The following SNX14 variants were observed in gnomAD, a reference collection of about 807,000 sequenced individuals.
SNX14 encodes sorting nexin-14.
In SNX14, 93 loss-of-function variants were observed where a neutral mutation model predicts 133.8. The ratio of observed to expected loss-of-function variants is 0.70; its 90% confidence interval spans 0.59 to 0.83. The LOEUF is 0.83. SNX14 is among the 40% of genes least tolerant of loss of function. The pLI, the probability that SNX14 is intolerant of heterozygous loss-of-function variation, is 0.00. For missense variants in SNX14, 945 were observed against 1,094.9 expected (o/e 0.86, Z 1.93); for synonymous variants, 368 against 365.6 (o/e 1.01, Z -0.07).
chr6:85,586,343 C>G (rs1242304042), intron 1 of SNX14, among the ~76,000 whole-genome samples: 2 of 152,078 alleles, frequency 1.3e-5, no homozygotes, highest in Non-Finnish European at 2.9e-5. Context: ...TATTTACTAC[C>G]TAACACTTTA....
chr6:85,573,339 G>A (rs1004327783), intron 2 of SNX14, among the ~76,000 whole-genome samples: 5 of 152,140 alleles, frequency 3.3e-5, no homozygotes, highest in Non-Finnish European at 7.4e-5. Flanking sequence ...AATTAGCTGG[G>A]CCTGGTGGCG....
chr6:85,563,530 T>C (rs1277559066), intron 6 of SNX14, among the ~76,000 whole-genome samples: 1 of 152,106 alleles, frequency 6.6e-6, no homozygotes, highest in Non-Finnish European at 1.5e-5. Context: ...TAGCTGGTAT[T>C]ACAGATGCCC....
At chr6:85,529,395 G>A (rs924098867) in intron 19 of SNX14, among the ~76,000 whole-genome samples, 7 of 151,682 alleles carry the variant, frequency 4.6e-5, no homozygotes, top group African/African-American at 1.7e-4. Flanking sequence ...AAGGAAACAA[G>A]GGAAGGAAGG....
chr6:85,541,057 G>A (rs949391188), intron 15 of SNX14, among the ~76,000 whole-genome samples: 6 of 149,540 alleles, frequency 4.0e-5, no homozygotes, highest in African/African-American at 7.4e-5. Flanking sequence ...GCAGTAGCAC[G>A]ATCTTGGCTC....
At chr6:85,543,502 T>A (rs2128074319) in intron 13 of SNX14, 103 bp downstream of exon 13, 3 of 1,084,806 alleles carry the variant, frequency 2.8e-6, no homozygotes, top group Non-Finnish European at 3.9e-6. Flanking sequence ...AATAGAATAA[T>A]AGCTGCCCAT....
At chr6:85,561,369 A>G (rs1005017045) in intron 6 of SNX14, 4 of 152,036 alleles carry the variant, frequency 2.6e-5, no homozygotes, top group Non-Finnish European at 4.4e-5. Context: ...AAGAAAAGGG[A>G]AAAGGTTAAC....
intron 1 of SNX14, among the ~76,000 whole-genome samples, chr6:85,584,926 T>A (rs1239351050): frequency 6.6e-6 from 1 of 152,158 alleles, no homozygotes; most frequent in Non-Finnish European, 1.5e-5. Flanking sequence ...TATAAATCAT[T>A]CTGCTATAAA....
At chr6:85,542,337 C>T (rs947160708) in intron 14 of SNX14, among the ~76,000 whole-genome samples, 1 of 152,182 alleles carries the variant, frequency 6.6e-6, no homozygotes, top group African/African-American at 2.4e-5. Context: ...TCTACTTACA[C>T]AAATATAAAC....
intron 1 of SNX14, among the ~76,000 whole-genome samples, chr6:85,577,478 T>C (rs970942006): frequency 2.0e-5 from 3 of 152,112 alleles, no homozygotes; most frequent in African/African-American, 7.2e-5. Flanking sequence ...TCTTTGGGCA[T>C]GTTAAGTTTC....
chr6:85,520,549 G>A (rs969508234), intron 21 of SNX14, among the ~76,000 whole-genome samples: 3 of 151,520 alleles, frequency 2.0e-5, no homozygotes, highest in Non-Finnish European at 4.4e-5. Flanking sequence ...GTAGAGACAG[G>A]GTTTCACCAT....
At chr6:85,591,160 C>T (rs1343705247) in intron 1 of SNX14, among the ~76,000 whole-genome samples, 1 of 151,944 alleles carries the variant, frequency 6.6e-6, no homozygotes, top group Non-Finnish European at 1.5e-5. Context: ...CCTAGTATAC[C>T]CCATCTCAGA....
intron 21 of SNX14, among the ~76,000 whole-genome samples, chr6:85,519,296 C>T (rs1343633423): frequency 6.6e-6 from 1 of 152,200 alleles, no homozygotes; most frequent in African/African-American, 2.4e-5. Context: ...ATTTAACTCA[C>T]TGATTTAGTT....
chr6:85,561,427 T>C (rs899876326), intron 6 of SNX14: 1 of 152,126 alleles, frequency 6.6e-6, no homozygotes, highest in Non-Finnish European at 1.5e-5. Flanking sequence ...AACCGTAATA[T>C]GGCAATCAAA....
chr6:85,579,594 T>C (rs768003665), intron 1 of SNX14, among the ~76,000 whole-genome samples: 2 of 152,110 alleles, frequency 1.3e-5, no homozygotes, highest in Non-Finnish European at 2.9e-5. Flanking sequence ...AGCACACGGC[T>C]TGAGAGAGGG....
chr6:85,552,738 T>G (rs778522211), intron 7 of SNX14, among the ~76,000 whole-genome samples: 1 of 152,214 alleles, frequency 6.6e-6, no homozygotes, highest in Non-Finnish European at 1.5e-5. Flanking sequence ...CACTGTCACG[T>G]AGACCTCAAG....
chr6:85,549,991 A>G, intron 7 of SNX14, 112 bp from the exon 8 acceptor site: 8 of 901,680 alleles, frequency 8.9e-6, no homozygotes, highest in Non-Finnish European at 1.3e-5. Context: ...TCATGCCTGT[A>G]ATCCCAGCAT....
At chr6:85,578,549 A>G (rs2128216514) in intron 1 of SNX14, among the ~76,000 whole-genome samples, 1 of 152,324 alleles carries the variant, frequency 6.6e-6, no homozygotes, top group African/African-American at 2.4e-5. Flanking sequence ...TGAACCTAAA[A>G]AAAGCAAACA....
At chr6:85,583,304 C>A (rs1799624117) in intron 1 of SNX14, among the ~76,000 whole-genome samples, 2 of 152,166 alleles carry the variant, frequency 1.3e-5, no homozygotes, top group Admixed American at 6.5e-5. Flanking sequence ...CATTATCATA[C>A]TGAATGGGCA....
In SNX14 at chr6:85,529,052, G is replaced by GA. The variant is rs764123650; in HGVS notation, c.1895-691dup. Reference sequence around the variant, plus strand: ...GGGTGACAGAGTGAGACTCACCTCAGAAAAAAAAAAAAAAGGCCACCAACA... The same window carrying GA: ...GGGTGACAGAGTGAGACTCACCTCAGAAAAAAAAAAAAAAAGGCCACCAACA... On this transcript the variant is annotated intron_variant, in intron 19 of 28. Coordinates refer to ENST00000314673, the MANE Select transcript of SNX14 (RefSeq NM_153816.6). Among the ~76,000 whole-genome samples, 289 of 104,076 alleles carry GA rather than the reference G, an allele frequency of 2.8e-3. 1 individual carries two copies. Among genetic ancestry groups the GA allele is most frequent in the Middle Eastern group, 9.7e-3 (2 of 206 alleles). The allele number at this position is 104,076 out of a possible 152,430, so 68.3% of individuals were successfully genotyped here. A position where few individuals can be genotyped will look rare whatever the true frequency, so the allele number is the denominator to read the frequency against.
Sources: allele counts gnomAD v4.1 joint callset (sites outside exome capture counted in the v4.1 genomes callset), GRCh38; gene constraint gnomAD v4.1.1; transcripts MANE v1.5; gene names NCBI Gene and HGNC (gene_info 2026-07-23, HGNC 2026-07-21).